PCDH7: variants seen among roughly 807,000 people sequenced by gnomAD.
The protein encoded by PCDH7 is protocadherin-7.
Under a neutral mutation model 58.9 loss-of-function variants are expected in PCDH7, and 17 were observed. The ratio of observed to expected loss-of-function variants is 0.29; its 90% CI spans 0.20 to 0.43. PCDH7 has a LOEUF of 0.43. Ranked by LOEUF, PCDH7 falls within the 20% of genes least tolerant of loss-of-function variation. The pLI is 1.00. For synonymous variants in PCDH7, 664 were observed against 616.4 expected, an observed-to-expected ratio of 1.08 and a Z score of -1.14; for missense variants, 1,274 against 1,441.0, an observed-to-expected ratio of 0.88 and a Z score of 1.88.
chr4:30,775,824 G>A (rs967455995), intron 1 of PCDH7, among the ~76,000 whole-genome samples: 2 of 152,102 alleles, frequency 1.3e-5, no homozygotes, highest in Non-Finnish European at 2.9e-5. Flanking sequence ...TTGAACCCAG[G>A]AGACAGAGGT....
At chr4:31,059,174 G>T (rs1218186053) in intron 3 of PCDH7, among the ~76,000 whole-genome samples, 1 of 151,824 alleles carries the variant, frequency 6.6e-6, no homozygotes, top group Admixed American at 6.6e-5. Flanking sequence ...GGTTTTTGAA[G>T]TGTATATTTA....
chr4:31,042,541 G>A (rs933671999), intron 3 of PCDH7, among the ~76,000 whole-genome samples: 1 of 152,074 alleles, frequency 6.6e-6, no homozygotes, highest in African/African-American at 2.4e-5. Flanking sequence ...TTCAAGAAAA[G>A]GGAGTCTTGT....
chr4:31,115,507 T>A (rs1391657179), intron 3 of PCDH7, among the ~76,000 whole-genome samples: 2 of 152,192 alleles, frequency 1.3e-5, no homozygotes, highest in Non-Finnish European at 2.9e-5. Context: ...GTGGATTGTA[T>A]GATCATGTAA....
intron 2 of PCDH7, among the ~76,000 whole-genome samples, chr4:30,932,557 A>G (rs544025948): frequency 2.6e-5 from 4 of 152,130 alleles, no homozygotes; most frequent in African/African-American, 4.8e-5. Context: ...AAAAAATGCA[A>G]CTCCCATTTA....
chr4:31,028,057 T>C (rs1156252436), intron 3 of PCDH7, among the ~76,000 whole-genome samples: 1 of 152,164 alleles, frequency 6.6e-6, no homozygotes, highest in African/African-American at 2.4e-5. Flanking sequence ...CTTTTATTTT[T>C]AATTTTTTTT....
chr4:31,093,947 G>A (rs145886456), intron 3 of PCDH7, among the ~76,000 whole-genome samples: 444 of 152,104 alleles, frequency 2.9e-3, no homozygotes, highest in Non-Finnish European at 4.9e-3. Context: ...ATTTGTAAGC[G>A]ATCTTTACCT....
intron 3 of PCDH7, among the ~76,000 whole-genome samples, chr4:30,986,552 C>T (rs1054306758): frequency 2.0e-5 from 3 of 151,540 alleles, no homozygotes; most frequent in Admixed American, 6.6e-5. Flanking sequence ...TCACCTCCTC[C>T]CACCAAGAAA....
chr4:30,884,678 A>G (rs1737460753), intron 1 of PCDH7: 2 of 152,166 alleles, frequency 1.3e-5, no homozygotes, highest in African/African-American at 4.8e-5. Context: ...AACTGCTAAA[A>G]TGAGAATGGA....
Position 31,128,276 on chromosome 4 carries a change from G to A in PCDH7, c.*8-14197G>A, listed in dbSNP as rs368847367. On this transcript the variant is annotated intron_variant, in intron 3 of 3. Coordinates refer to the PCDH7 transcript ENST00000509759. ...CAGTCACCATCTCATGGGTCATGGC[G>A]CTCAGTTGAAAAGCACTGATCTAAA... is the stretch of plus-strand genomic sequence containing the variant. Among the ~76,000 whole-genome samples the A allele has an allele frequency of 2.9e-4, 44 of 152,040 alleles. 1 individual carries two copies. Among genetic ancestry groups the A allele is most frequent in the East Asian group, 1.4e-3 (7 of 5,156 alleles).
chr4:30,749,330 C>T (rs1718188679), intron 1 of PCDH7, among the ~76,000 whole-genome samples: 1 of 152,094 alleles, frequency 6.6e-6, no homozygotes, highest in African/African-American at 2.4e-5. Context: ...TCTTAAAGTC[C>T]GATAGCAGTC....
At chr4:30,997,392 T>G (rs534294356) in intron 3 of PCDH7, among the ~76,000 whole-genome samples, 1 of 152,238 alleles carries the variant, frequency 6.6e-6, no homozygotes, top group African/African-American at 2.4e-5. Context: ...TTAAAATGCT[T>G]TTAGGATTGA....
At chr4:31,039,364 T>A (rs747906709) in intron 3 of PCDH7, among the ~76,000 whole-genome samples, 3 of 152,208 alleles carry the variant, frequency 2.0e-5, no homozygotes, top group Non-Finnish European at 4.4e-5. Context: ...GTCTGTTGGG[T>A]ACAGTTTATA....
In PCDH7 at chr4:30,867,678, G is replaced by A. The variant is rs184133719; in HGVS notation, c.71-52475G>A. ...GAAGGTTTGGTGATTCACTGGTGCC[G>A]CCACTTCCTTGCGAGAAAGGGGAAA... On this transcript the variant is annotated intron_variant, in intron 1 of 3. Coordinates refer to the PCDH7 transcript ENST00000509759. Among the ~76,000 whole-genome samples the A allele has an allele frequency of 5.3e-5, 8 of 152,078 alleles. No homozygotes were observed. The East Asian group carries it at 7.8e-4, about 15-fold the overall frequency.
intron 1 of PCDH7, among the ~76,000 whole-genome samples, chr4:30,792,908 C>T (rs942041920): frequency 9.2e-5 from 14 of 152,100 alleles, no homozygotes; most frequent in Non-Finnish European, 1.3e-4. Context: ...AGTATTCTAA[C>T]ATTCTGCTGG....
intron 3 of PCDH7, among the ~76,000 whole-genome samples, chr4:31,040,177 G>A (rs1578633114): frequency 6.6e-6 from 1 of 152,140 alleles, no homozygotes; most frequent in African/African-American, 2.4e-5. Context: ...GTATACCCAC[G>A]TAACCACCAC....
chr4:30,877,119 A>C (rs1371833454), intron 1 of PCDH7, among the ~76,000 whole-genome samples: 1 of 152,148 alleles, frequency 6.6e-6, no homozygotes, highest in Non-Finnish European at 1.5e-5. Flanking sequence ...ATTAGTGAAT[A>C]TTAAAAGAAA....
chr4:31,070,766 A>C (rs987902016), intron 3 of PCDH7, among the ~76,000 whole-genome samples: 1 of 152,098 alleles, frequency 6.6e-6, no homozygotes, highest in Non-Finnish European at 1.5e-5. Context: ...AGAATACATT[A>C]TCAGAAGTCA....
intron 3 of PCDH7, among the ~76,000 whole-genome samples, chr4:31,018,634 A>G (rs890445710): frequency 3.3e-5 from 5 of 152,330 alleles, no homozygotes; most frequent in Non-Finnish European, 7.3e-5. Flanking sequence ...TCGATAGAAT[A>G]AGGAAATTGA....
At chr4:30,901,176 G>C (rs1438431777) in intron 1 of PCDH7, among the ~76,000 whole-genome samples, 1 of 152,056 alleles carries the variant, frequency 6.6e-6, no homozygotes, top group Admixed American at 6.6e-5. Flanking sequence ...ACTCATTTAA[G>C]TTTTTCTATA....
Sources: allele counts gnomAD v4.1 joint callset (sites outside exome capture counted in the v4.1 genomes callset), GRCh38; gene constraint gnomAD v4.1.1; transcripts MANE v1.5; gene names NCBI Gene and HGNC (gene_info 2026-07-23, HGNC 2026-07-21).